Variants in STAG3 observed in about 807,000 individuals in gnomAD.
The protein encoded by STAG3 is cohesin subunit SA-3.
In STAG3, 101 loss-of-function variants were observed where a neutral mutation model predicts 160.7. The ratio of observed to expected loss-of-function variants is 0.63; its 90% CI spans 0.54 to 0.74. STAG3 has a LOEUF of 0.74. STAG3 is among the 30% of genes least tolerant of loss of function. The probability of loss-of-function intolerance (pLI) is 0.00; values close to 1 mark genes in which losing one functional copy is unlikely to be tolerated. For synonymous variants in STAG3, 519 were observed against 585.0 expected, an observed-to-expected ratio of 0.89 and a Z score of 1.63; for missense variants, 1,188 against 1,517.4, an observed-to-expected ratio of 0.78 and a Z score of 3.61.
chr7:100,213,602 C>T (rs1164536462), intron 32 of STAG3, 133 bp from the exon 33 acceptor site: 1 of 1,507,454 alleles, frequency 6.6e-7, no homozygotes, highest in Non-Finnish European at 8.8e-7. Flanking sequence ...TGACTTCCCT[C>T]CCAGGAGGTG....
At position 100,211,671 on chromosome 7, in the gene STAG3, C is replaced by T; in HGVS notation, c.3519-124C>T. 4 of 1,403,512 alleles carry T rather than the reference C, an allele frequency of 2.8e-6. No individual in the cohort carries two copies. In the South Asian group the frequency reaches 4.9e-5, roughly 17 times the overall value. The allele number at this position is 1,403,512 out of a possible 1,614,324, so 86.9% of individuals were successfully genotyped here. ...TTAGCCACAGAGCACTTCCTGTCAG[C>T]ACAATCGGGAAACTACTATGCTGTA... On this transcript the variant is annotated intron_variant, in intron 31 of 33. Transcript: ENST00000615138.
At chr7:100,213,149 C>A in intron 32 of STAG3, 1 of 235,734 alleles carries the variant, frequency 4.2e-6, no homozygotes, top group Non-Finnish European at 7.1e-6. Flanking sequence ...GGAGAAACAG[C>A]AAGCTAGCCC....
intron 5 of STAG3, 51 bp downstream of exon 5, chr7:100,186,347 A>T: frequency 6.8e-7 from 1 of 1,479,740 alleles, no homozygotes; most frequent in Non-Finnish European, 9.4e-7. Context: ...TTCCTATGTT[A>T]TGAAATTCTT....
chr7:100,217,775 T>C (rs1158339892), downstream of STAG3, among the ~76,000 whole-genome samples: 2 of 152,180 alleles, frequency 1.3e-5, no homozygotes, highest in Non-Finnish European at 2.9e-5. Flanking sequence ...ACATCATTAC[T>C]TCTTCTATGC....
chr7:100,201,583 C>T (rs1042326649), intron 21 of STAG3: 7 of 634,732 alleles, frequency 1.1e-5, no homozygotes, highest in South Asian at 1.9e-5. Context: ...TTCTAGAAGA[C>T]GTAGAGTAAA....
intron 14 of STAG3, 134 bp from the exon 15 acceptor site, chr7:100,199,128 G>GA (rs71517105): frequency 0.083 from 47,726 of 577,986 alleles, no homozygotes; most frequent in East Asian, 0.099. Flanking sequence ...TGTCTCTATC[G>GA]AAAAAAAAAA....
chr7:100,218,023 TCTCC>T (rs1802918448), downstream of STAG3, among the ~76,000 whole-genome samples: 3 of 147,916 alleles, frequency 2.0e-5, no homozygotes, highest in Admixed American at 6.9e-5. Context: ...GGAAAGGGAG[TCTCC>T]CTTTCCCGGT....
chr7:100,202,327 A>G lies in STAG3; in HGVS notation c.2550A>G (p.Gly850=). ...TGGACCACGTCTTCATCCAGCCGGG[A>G]GACCTGGGCAGTGGTGCAGTGACTC... is the stretch of plus-strand genomic sequence containing the variant. ...FLMDHVFIQP[G]DLGSGDSQED... is the part of the protein sequence containing the mutation. The change falls in exon 24 of 34, where the codon GGA becomes GGG. Residue 850 remains glycine, a synonymous_variant. Transcript: ENST00000615138. The G allele has an allele frequency of 2.5e-6, 4 of 1,614,074 alleles. No individual in the cohort carries two copies. In the South Asian group the frequency reaches 4.4e-5, roughly 18 times the overall value.
intron 32 of STAG3, 55 bp from the exon 33 acceptor site, chr7:100,213,680 C>T (rs1410357196): frequency 8.1e-6 from 13 of 1,611,484 alleles, no homozygotes; most frequent in South Asian, 2.2e-5. Context: ...TTTTTATTTG[C>T]GAAGTGACAG....
chr7:100,211,343 C>G, intron 30 of STAG3, 92 bp from the exon 31 acceptor site: 1 of 1,509,652 alleles, frequency 6.6e-7, no homozygotes, highest in Non-Finnish European at 9.1e-7. Flanking sequence ...AAATGCATCT[C>G]TCTGAGCTTT....
chr7:100,191,549 G>A (rs1017130560), intron 8 of STAG3, among the ~76,000 whole-genome samples: 1 of 152,194 alleles, frequency 6.6e-6, no homozygotes, highest in Non-Finnish European at 1.5e-5. Flanking sequence ...CAAGACTATT[G>A]TCTAAAAAGC....
chr7:100,218,791 T>C, downstream of STAG3: 1 of 240,544 alleles, frequency 4.2e-6, no homozygotes, highest in South Asian at 5.0e-5. Flanking sequence ...CCTTGAGCTC[T>C]TTAGAGCCTT....
chr7:100,184,149 C>G (rs1799826157), intron 4 of STAG3, among the ~76,000 whole-genome samples: 1 of 151,948 alleles, frequency 6.6e-6, no homozygotes, highest in Non-Finnish European at 1.5e-5. Context: ...GTCTGTAATC[C>G]CAGCCACTTT....
At position 100,201,871 on chromosome 7, in the gene STAG3, G is replaced by T; in HGVS notation, c.2301+5G>T. 6.2e-7 allele frequency: 1 copy of T among 1,614,154 alleles called. No individual in the cohort carries two copies. The highest frequency in any genetic ancestry group is 8.5e-7 in the Non-Finnish European group (1 of 1,180,008). ...TCTAAATCAGATGCTTCCCAGGTGA[G>T]TGTGGGTCTTAGATGGGATAATGGG... On this transcript the variant is annotated splice_donor_5th_base_variant and intron_variant, in intron 22 of 33. Coordinates refer to ENST00000615138, the MANE Select transcript of STAG3 (RefSeq NM_001282717.2).
chr7:100,188,278 T>C (rs919024813), intron 5 of STAG3, among the ~76,000 whole-genome samples, 175 bp from the exon 6 acceptor site: 2 of 152,196 alleles, frequency 1.3e-5, no homozygotes, highest in African/African-American at 4.8e-5. Flanking sequence ...TTTAGAGAGA[T>C]TGCCTTATAG....
chr7:100,194,616 C>T (rs560880156), intron 8 of STAG3, among the ~76,000 whole-genome samples: 28 of 151,806 alleles, frequency 1.8e-4, no homozygotes, highest in African/African-American at 6.0e-4. Context: ...AGGGAGAGCC[C>T]GTCTCTACAA....
intron 32 of STAG3, 144 bp downstream of exon 32, chr7:100,212,020 T>C (rs1802266557): frequency 2.9e-6 from 2 of 694,412 alleles, no homozygotes; most frequent in Admixed American, 3.1e-5. Flanking sequence ...ACAGGTTATA[T>C]GTTGGTTTGG....
chr7:100,179,143 C>CTT (rs34870349), intron 1 of STAG3, among the ~76,000 whole-genome samples: 2 of 127,058 alleles, frequency 1.6e-5, no homozygotes, highest in South Asian at 2.5e-4. Context: ...GGCACCTTGC[C>CTT]TTTTTTTTTT....
intron 4 of STAG3, among the ~76,000 whole-genome samples, chr7:100,184,559 C>A (rs1218766172): frequency 3.3e-5 from 5 of 150,482 alleles, no homozygotes; most frequent in Admixed American, 3.3e-4. Context: ...CCTCCACCTC[C>A]CGGGTTCACA....
Sources: allele counts gnomAD v4.1 joint callset (sites outside exome capture counted in the v4.1 genomes callset), GRCh38; gene constraint gnomAD v4.1.1; transcripts MANE v1.5; gene names NCBI Gene and HGNC (gene_info 2026-07-23, HGNC 2026-07-21).